Variants in LINGO2 observed in about 807,000 individuals in gnomAD.
LINGO2 encodes leucine rich repeat and Ig domain containing 2, also known as leucine-rich repeat and immunoglobulin-like domain-containing nogo receptor-interacting protein 2.
A neutral mutation model predicts 30.6 loss-of-function variants in LINGO2; 14 were observed. That is an observed-to-expected ratio of 0.46 (90% CI 0.30 to 0.72). LINGO2 has a LOEUF of 0.72. Ranked by LOEUF, LINGO2 falls within the 30% of genes least tolerant of loss-of-function variation. LINGO2 has a pLI of 0.07. For missense variants in LINGO2, 729 were observed against 751.7 expected (o/e 0.97, Z 0.35); for synonymous variants, 317 against 288.5 (o/e 1.10, Z -1.00).
At chr9:28,843,399 TC>T in the LINGO2 span, among the ~76,000 whole-genome samples, 1 of 151,844 alleles carries the variant, frequency 6.6e-6, no homozygotes, top group Non-Finnish European at 1.5e-5. Flanking sequence ...TTTCTACTTT[TC>T]TTGTATAGAG....
chr9:28,850,058 C>T, the LINGO2 span, among the ~76,000 whole-genome samples: 6 of 152,010 alleles, frequency 3.9e-5, no homozygotes, highest in South Asian at 6.2e-4. Context: ...TTTAGTTCTA[C>T]GGTTTTCTTT....
In LINGO2 at chr9:28,253,432, A is replaced by G. The variant is rs1472158236; in HGVS notation, c.-87+41776T>C. 2.0e-5 allele frequency among the ~76,000 whole-genome samples: 3 copies of G among 152,170 alleles called. 1 individual carries two copies. The highest frequency in any genetic ancestry group is 7.2e-5 in the African/African-American group (3 of 41,456). On this transcript the variant is annotated intron_variant, in intron 4 of 5. Coordinates refer to ENST00000379992, the Ensembl canonical transcript of LINGO2. ...ACCAATTATTTTAGAATTTATGATA[A>G]TCTGTCATTTTAGATGAGTGAGAAA...
intron 3 of LINGO2, among the ~76,000 whole-genome samples, chr9:28,320,047 G>A (rs1824983870): frequency 1.3e-5 from 2 of 151,988 alleles, no homozygotes; most frequent in African/African-American, 2.4e-5. Flanking sequence ...TTGCTCCTAT[G>A]GAATTCCAGC....
intron 4 of LINGO2, among the ~76,000 whole-genome samples, chr9:28,041,160 T>C (rs1206281581): frequency 1.7e-4 from 26 of 152,238 alleles, no homozygotes; most frequent in Non-Finnish European, 2.9e-5. Context: ...AGACCATCTT[T>C]GTGTCTGAAT....
chr9:28,501,114 T>C (rs1028677383), intron 1 of LINGO2, among the ~76,000 whole-genome samples: 7 of 152,154 alleles, frequency 4.6e-5, no homozygotes, highest in Admixed American at 3.9e-4. Flanking sequence ...AAGATTTCTA[T>C]ATCAAGAAAT....
rs147292812 is a variant in LINGO2 at position 28,418,493 on chromosome 9, G to A, written c.-278-45625C>T. Among the ~76,000 whole-genome samples, 3 of 152,000 alleles carry A rather than the reference G, an allele frequency of 2.0e-5. No individual in the cohort carries two copies. The East Asian group carries it at 5.8e-4, about 30-fold the overall frequency. On this transcript the variant is annotated intron_variant, in intron 2 of 5. Transcript: ENST00000379992. ...GGGGTTTCACCATCTTGGCCAGGCT[G>A]GTCTCGAACTCCTGATCTCGTGATC...
chr9:28,664,533 A>T (rs1031082979), intron 1 of LINGO2, among the ~76,000 whole-genome samples: 7 of 152,128 alleles, frequency 4.6e-5, no homozygotes, highest in African/African-American at 7.2e-5. Flanking sequence ...TTGAGATAAG[A>T]TAAAAAGGAG....
intron 4 of LINGO2, among the ~76,000 whole-genome samples, chr9:28,035,546 T>C (rs978175740): frequency 6.6e-6 from 1 of 152,248 alleles, no homozygotes; most frequent in African/African-American, 2.4e-5. Flanking sequence ...AATTTGATAA[T>C]TAGCCACACA....
At chr9:28,701,857 T>A in the LINGO2 span, among the ~76,000 whole-genome samples, 1 of 151,966 alleles carries the variant, frequency 6.6e-6, no homozygotes, top group African/African-American at 2.4e-5. Flanking sequence ...ACATATTTTG[T>A]TAGATATAAA....
the LINGO2 span, among the ~76,000 whole-genome samples, chr9:29,071,934 G>C: frequency 1.3e-5 from 2 of 152,012 alleles, no homozygotes; most frequent in Non-Finnish European, 2.9e-5. Flanking sequence ...GCCTAAAATT[G>C]TAAGTCAAAA....
At chr9:28,800,551 C>G in the LINGO2 span, among the ~76,000 whole-genome samples, 1 of 152,138 alleles carries the variant, frequency 6.6e-6, no homozygotes, top group South Asian at 2.1e-4. Context: ...AATCAATTCT[C>G]TACTCAATGC....
chr9:28,968,807 A>G, the LINGO2 span, among the ~76,000 whole-genome samples: 1 of 152,194 alleles, frequency 6.6e-6, no homozygotes, highest in Admixed American at 6.5e-5. Context: ...CAATTTTAAC[A>G]CAGCTGATGA....
At chr9:28,284,204 GAGA>G (rs1160093872) in intron 4 of LINGO2, among the ~76,000 whole-genome samples, 3 of 152,182 alleles carry the variant, frequency 2.0e-5, no homozygotes, top group Admixed American at 6.5e-5. Context: ...GAGCTGCTGA[GAGA>G]AGATGAGCAG....
At chr9:28,930,605 A>T in the LINGO2 span, among the ~76,000 whole-genome samples, 1 of 152,208 alleles carries the variant, frequency 6.6e-6, no homozygotes, top group African/African-American at 2.4e-5. The surrounding 1 kb of genome is among the most constrained non-coding windows in gnomAD (Gnocchi z 4.2). Flanking sequence ...TTCAAGGCAG[A>T]AGTATCTTTT....
intron 4 of LINGO2, among the ~76,000 whole-genome samples, chr9:28,294,158 T>C (rs999085866): frequency 2.0e-5 from 3 of 152,228 alleles, no homozygotes; most frequent in Non-Finnish European, 4.4e-5. Flanking sequence ...TTAATGTTTA[T>C]TAAACTTTAA....
At chr9:28,056,054 A>G (rs1234761692) in intron 4 of LINGO2, among the ~76,000 whole-genome samples, 1 of 152,192 alleles carries the variant, frequency 6.6e-6, no homozygotes. Flanking sequence ...ATTTTAAAGG[A>G]AAGATCCAGA....
chr9:28,140,620 C>T (rs186224973), intron 4 of LINGO2, among the ~76,000 whole-genome samples: 186 of 152,290 alleles, frequency 1.2e-3, no homozygotes, highest in African/African-American at 4.2e-3. Flanking sequence ...GCCTTAAAAT[C>T]CAAGTGAAAT....
chr9:28,708,763 A>ATCTATCTATCTATCTATCTG, the LINGO2 span, among the ~76,000 whole-genome samples: 9 of 146,218 alleles, frequency 6.2e-5, no homozygotes, highest in African/African-American at 2.0e-4. Flanking sequence ...TAAACTAATT[A>ATCTATCTATCTATCTATCTG]TCTATCTATC....
At chr9:28,040,542 T>C (rs961434198) in intron 4 of LINGO2, among the ~76,000 whole-genome samples, 2 of 151,216 alleles carry the variant, frequency 1.3e-5, no homozygotes, top group Admixed American at 6.6e-5. Context: ...TTTATCTGAA[T>C]TATGAACCAT....
Sources: allele counts gnomAD v4.1 joint callset (sites outside exome capture counted in the v4.1 genomes callset), GRCh38; gene constraint gnomAD v4.1.1; non-coding constraint Gnocchi (gnomAD v3.1); transcripts MANE v1.5; gene names NCBI Gene and HGNC (gene_info 2026-07-23, HGNC 2026-07-21).